Variants in FOCAD observed in about 807,000 individuals in gnomAD.
FOCAD encodes the protein focadhesin.
A neutral mutation model predicts 225.6 loss-of-function variants in FOCAD; 198 were observed. The ratio of observed to expected loss-of-function variants is 0.88; its 90% CI spans 0.78 to 0.99. The LOEUF is 0.99. FOCAD is among the 50% of genes least tolerant of loss of function. The pLI is 0.00. For synonymous variants in FOCAD, 897 were observed against 755.0 expected (o/e 1.19, Z -3.08); for missense variants, 2,713 against 2,123.6 (o/e 1.28, Z -5.46).
rs576324476 is a variant in FOCAD at position 20,970,208 on chromosome 9, G to C, written c.4133-6212G>C. ...TTTGCCTTTATCTTTCTTAGACTTT[G>C]TTGAGCTTCTTGAATGTATGGATTT... On this transcript the variant is annotated intron_variant, in intron 35 of 43. Transcript: ENST00000338382. Among the ~76,000 whole-genome samples, 108 of 152,016 alleles carry C rather than the reference G, an allele frequency of 7.1e-4. 1 individual carries two copies. Among genetic ancestry groups the C allele is most frequent in the African/African-American group, 2.5e-3 (105 of 41,488 alleles).
At chr9:20,807,830 A>C (rs1023181675) in intron 11 of FOCAD, among the ~76,000 whole-genome samples, 2 of 152,136 alleles carry the variant, frequency 1.3e-5, no homozygotes, top group Non-Finnish European at 2.9e-5. Context: ...TGGGCGGATC[A>C]CTCGAGGCCA....
intron 2 of FOCAD, among the ~76,000 whole-genome samples, chr9:20,668,724 A>G (rs577557100): frequency 1.3e-5 from 2 of 152,334 alleles, no homozygotes; most frequent in African/African-American, 4.8e-5. Context: ...TACAGCTTGT[A>G]TTAGCCTTGT....
intron 35 of FOCAD, among the ~76,000 whole-genome samples, chr9:20,960,318 T>G (rs1200732743): frequency 2.6e-5 from 4 of 152,218 alleles, no homozygotes; most frequent in Non-Finnish European, 5.9e-5. Flanking sequence ...GCATCCCATC[T>G]GTGGCACATG....
At chr9:20,869,665 C>G (rs1829596061) in intron 18 of FOCAD, among the ~76,000 whole-genome samples, 1 of 152,050 alleles carries the variant, frequency 6.6e-6, no homozygotes, top group Admixed American at 6.6e-5. Flanking sequence ...ATTCATCTTT[C>G]TTGTCATTTG....
chr9:20,880,866 T>C (rs1163797689), intron 19 of FOCAD, among the ~76,000 whole-genome samples: 1 of 152,208 alleles, frequency 6.6e-6, no homozygotes, highest in African/African-American at 2.4e-5. Flanking sequence ...AGCTTTAATG[T>C]TTTTTGTTTT....
At chr9:20,887,926 G>A (rs910932657) in intron 21 of FOCAD, among the ~76,000 whole-genome samples, 10 of 151,976 alleles carry the variant, frequency 6.6e-5, no homozygotes, top group African/African-American at 2.4e-4. Context: ...TTTAATTTGT[G>A]TTTCCTTAAT....
In FOCAD at chr9:20,819,780, T is replaced by A. The variant is rs1231146074; in HGVS notation, c.1456-16T>A. The A allele has an allele frequency of 4.9e-6, 7 of 1,439,476 alleles. No individual in the cohort carries two copies. Among genetic ancestry groups the A allele is most frequent in the Non-Finnish European group, 4.7e-6 (5 of 1,072,240 alleles). 89.2% of individuals were successfully genotyped at this position (1,439,476 alleles called of 1,614,324 possible). On this transcript the variant is annotated splice_polypyrimidine_tract_variant and intron_variant, in intron 11 of 43. Transcript: ENST00000338382. The stretch of plus-strand genomic sequence containing the variant: ...GTAACAAGGCATATTTAATATATTT[T>A]AAAAATTCATTTTAGGTGCCAAATC...
At chr9:20,949,577 G>GCCC in intron 32 of FOCAD, 27 bp from the exon 33 acceptor site, 1 of 1,339,258 alleles carries the variant, frequency 7.5e-7, no homozygotes, top group Non-Finnish European at 1.0e-6. Context: ...GGGTGGGTGG[G>GCCC]ATGGGTATTT....
chr9:20,993,981 T>C (rs1841874006), intron 43 of FOCAD, among the ~76,000 whole-genome samples: 1 of 152,220 alleles, frequency 6.6e-6, no homozygotes, highest in Admixed American at 6.5e-5. Flanking sequence ...ATATTTTCCA[T>C]AAGAAGTTTT....
chr9:20,904,289 C>T (rs1832777584), intron 21 of FOCAD, among the ~76,000 whole-genome samples: 1 of 151,870 alleles, frequency 6.6e-6, no homozygotes, highest in Non-Finnish European at 1.5e-5. Context: ...TGGAATTGCT[C>T]AGTCATATGG....
At chr9:20,775,887 A>T (rs1818708116) in intron 8 of FOCAD, among the ~76,000 whole-genome samples, 1 of 151,682 alleles carries the variant, frequency 6.6e-6, no homozygotes, top group Non-Finnish European at 1.5e-5. Flanking sequence ...CTTATTTTAT[A>T]TATTTTATTT....
chr9:20,676,797 T>G (rs926068460), intron 2 of FOCAD, among the ~76,000 whole-genome samples: 6 of 152,154 alleles, frequency 3.9e-5, no homozygotes, highest in Non-Finnish European at 8.8e-5. Flanking sequence ...AAGAATACCA[T>G]TACAATGTTC....
At chr9:20,969,337 C>T (rs573703232) in intron 35 of FOCAD, among the ~76,000 whole-genome samples, 11 of 151,994 alleles carry the variant, frequency 7.2e-5, no homozygotes, top group South Asian at 2.1e-4. Flanking sequence ...ATTAATCATA[C>T]GTCTAGATAT....
chr9:20,848,038 T>C (rs1827287773), intron 15 of FOCAD, among the ~76,000 whole-genome samples: 1 of 152,002 alleles, frequency 6.6e-6, no homozygotes, highest in Non-Finnish European at 1.5e-5. Flanking sequence ...AAGGGAAAAC[T>C]TTCTCTCTGC....
intron 7 of FOCAD, among the ~76,000 whole-genome samples, chr9:20,768,894 G>A (rs573122927): frequency 1.3e-5 from 2 of 152,046 alleles, no homozygotes; most frequent in East Asian, 3.9e-4. Flanking sequence ...TCAAAATTAT[G>A]CTTGTTTAGA....
intron 7 of FOCAD, among the ~76,000 whole-genome samples, chr9:20,765,626 T>G (rs1260305251): frequency 6.6e-6 from 1 of 152,142 alleles, no homozygotes; most frequent in African/African-American, 2.4e-5. Context: ...ACATATATTC[T>G]TACAATTCAA....
chr9:20,923,836 G>A (rs1010159338), intron 25 of FOCAD, 68 bp downstream of exon 25: 6 of 1,206,810 alleles, frequency 5.0e-6, no homozygotes, highest in Middle Eastern at 2.1e-4. Context: ...AGGTAGCCTG[G>A]CCCTGGGCTT....
At chr9:20,734,733 C>G (rs973864842) in intron 4 of FOCAD, among the ~76,000 whole-genome samples, 2 of 152,096 alleles carry the variant, frequency 1.3e-5, no homozygotes, top group Non-Finnish European at 2.9e-5. Flanking sequence ...CAGCCCCAAC[C>G]TCCTGGGCTC....
At chr9:20,926,038 G>C (rs1834906931) in intron 25 of FOCAD, among the ~76,000 whole-genome samples, 1 of 152,122 alleles carries the variant, frequency 6.6e-6, no homozygotes, top group Non-Finnish European at 1.5e-5. Flanking sequence ...CTCTTGGATA[G>C]TTCTGTTTTG....
Sources: gnomAD v4.1 joint callset for allele counts (sites outside exome capture counted in the v4.1 genomes callset) on GRCh38, gnomAD v4.1.1 for gene constraint, MANE v1.5 for transcripts, NCBI Gene and HGNC (gene_info 2026-07-23, HGNC 2026-07-21) for gene names.